Variants in IGF1R observed in about 807,000 individuals in gnomAD.
IGF1R encodes insulin like growth factor 1 receptor.
A neutral mutation model predicts 144.6 loss-of-function variants in IGF1R; 44 were observed. The ratio of observed to expected loss-of-function variants is 0.30; its 90% CI spans 0.24 to 0.39. The LOEUF is 0.39. IGF1R is among the 10% of genes least tolerant of loss of function. The pLI is 1.00. For synonymous variants in IGF1R, 795 were observed against 722.8 expected (o/e 1.10, Z -1.60); for missense variants, 1,355 against 1,833.7 (o/e 0.74, Z 4.77).
Position 98,929,518 on chromosome 15 carries a change from C to T in IGF1R, c.2783-40C>T, listed in dbSNP as rs886394803. On this transcript the variant is annotated intron_variant, in intron 13 of 20. Transcript: ENST00000650285. ...GAAGAAATGAAATGAGCAAATTGTTCACCTGGTGATATTTTATCATTTCCT... is the reference window on the plus strand; with the variant it reads ...GAAGAAATGAAATGAGCAAATTGTTTACCTGGTGATATTTTATCATTTCCT... 4.8e-6 allele frequency: 7 copies of T among 1,468,132 alleles called. No individual in the cohort carries two copies. The Admixed American group carries it at 1.2e-4, about 25-fold the overall frequency. 90.9% of individuals were successfully genotyped at this position (1,468,132 alleles called of 1,614,324 possible).
intron 2 of IGF1R, among the ~76,000 whole-genome samples, chr15:98,715,554 A>ATG (rs1184570827): frequency 6.6e-6 from 1 of 151,976 alleles, no homozygotes; most frequent in Non-Finnish European, 1.5e-5. Flanking sequence ...TGCTTTCCTC[A>ATG]TGTGTATGCC....
intron 10 of IGF1R, among the ~76,000 whole-genome samples, chr15:98,917,656 G>A (rs1016644251): frequency 6.6e-6 from 1 of 152,204 alleles, no homozygotes; most frequent in South Asian, 2.1e-4. Flanking sequence ...GCCATAAAAA[G>A]GGAGGAAATT....
At chr15:98,922,093 G>A (rs2015513625) in intron 10 of IGF1R, 55 bp from the exon 11 acceptor site, 1 of 1,593,978 alleles carries the variant, frequency 6.3e-7, no homozygotes, top group South Asian at 1.1e-5. Flanking sequence ...TCAAGTCATA[G>A]AAAAGACAAA....
At chr15:98,805,952 C>A (rs1256913056) in intron 2 of IGF1R, among the ~76,000 whole-genome samples, 1 of 152,152 alleles carries the variant, frequency 6.6e-6, no homozygotes, top group African/African-American at 2.4e-5. Flanking sequence ...AGGGTTCAGT[C>A]CCACGAGTCT....
intron 1 of IGF1R, among the ~76,000 whole-genome samples, chr15:98,650,484 C>T (rs1016615346): frequency 6.6e-6 from 1 of 152,234 alleles, no homozygotes; most frequent in African/African-American, 2.4e-5. Flanking sequence ...GTTCAGAGGG[C>T]TCTGGGATGG....
rs5814907 is a variant in IGF1R, at chr15:98,868,370, TGG to T, written c.641-22946_641-22945del. ...GCCAAATCTGTTGGGTTTTTTTTTT[TGG>T]GGGGGGGGTCCTTTAGAATGGCCCT... is the stretch of plus-strand genomic sequence containing the variant. On this transcript the variant is annotated intron_variant, in intron 2 of 20. Transcript: ENST00000650285. Among the ~76,000 whole-genome samples, 723 of 122,814 alleles carry T rather than the reference TGG, an allele frequency of 5.9e-3. 17 individuals are homozygous for T. The highest frequency in any genetic ancestry group is 0.019 in the African/African-American group (629 of 33,654). 80.6% of individuals were successfully genotyped at this position (122,814 alleles called of 152,430 possible).
rs569874999 is a variant in IGF1R, at chr15:98,723,346, A to G, written c.640+15239A>G. On this transcript the variant is annotated intron_variant, in intron 2 of 20. Transcript: ENST00000650285. ...CTCCAGTCAAAGAAAAACTCTGCAT[A>G]TGATCTTTGGCCTGGAGAAATATTA... is the stretch of plus-strand genomic sequence containing the variant. Among the ~76,000 whole-genome samples, 3 of 152,316 alleles carry G rather than the reference A, an allele frequency of 2.0e-5. No homozygotes were observed. In the South Asian group the frequency reaches 6.2e-4, roughly 32 times the overall value.
intron 2 of IGF1R, among the ~76,000 whole-genome samples, chr15:98,843,706 A>G (rs913038803): frequency 6.6e-6 from 1 of 152,196 alleles, no homozygotes; most frequent in African/African-American, 2.4e-5. Context: ...TCCACTGAGC[A>G]ATACGGAAGA....
chr15:98,774,239 C>T (rs1423984189), intron 2 of IGF1R, among the ~76,000 whole-genome samples: 4 of 152,156 alleles, frequency 2.6e-5, no homozygotes, highest in East Asian at 1.9e-4. Context: ...TGTTAAGTCA[C>T]GTTGGCTACA....
chr15:98,881,553 C>T (rs929001250), intron 2 of IGF1R, among the ~76,000 whole-genome samples: 6 of 152,200 alleles, frequency 3.9e-5, no homozygotes, highest in Non-Finnish European at 8.8e-5. Flanking sequence ...GAACTCTTGA[C>T]CTCAGGTGAT....
At chr15:98,915,092 G>A (rs2015185794) in intron 8 of IGF1R, among the ~76,000 whole-genome samples, 1 of 152,128 alleles carries the variant, frequency 6.6e-6, no homozygotes, top group Non-Finnish European at 1.5e-5. Context: ...ATCCAGTGAA[G>A]GTGTCTCCTG....
At chr15:98,937,618 C>T (rs2016205055) in intron 17 of IGF1R, among the ~76,000 whole-genome samples, 2 of 152,210 alleles carry the variant, frequency 1.3e-5, no homozygotes, top group Non-Finnish European at 2.9e-5. Flanking sequence ...ACTTACGTAT[C>T]TCACTACGAG....
At chr15:98,733,362 AG>A (rs1382537021) in intron 2 of IGF1R, among the ~76,000 whole-genome samples, 1 of 152,070 alleles carries the variant, frequency 6.6e-6, no homozygotes, top group Non-Finnish European at 1.5e-5. Flanking sequence ...TTGGGACTAT[AG>A]GTGCATACCC....
chr15:98,958,173 C>G lies in IGF1R; in HGVS notation c.*731C>G, dbSNP rs28457673. 371 of 233,240 alleles carry G rather than the reference C, an allele frequency of 1.6e-3. 2 individuals carry two copies. The highest frequency in any genetic ancestry group is 7.8e-3 in the African/African-American group (353 of 45,408). 14.4% of individuals were successfully genotyped at this position (233,240 alleles called of 1,614,324 possible). A position where few individuals can be genotyped will look rare whatever the true frequency, so the allele number is the denominator to read the frequency against. ...CCATCCGACTGCCCCTGCTGTGCTG[C>G]TCAAGGCCACAGGCACACAGGTCTC... On this transcript the variant is annotated 3_prime_UTR_variant, in exon 21 of 21. Coordinates refer to ENST00000650285, the MANE Select transcript of IGF1R (RefSeq NM_000875.5).
At chr15:98,831,493 T>G (rs1230933685) in intron 2 of IGF1R, among the ~76,000 whole-genome samples, 5 of 152,248 alleles carry the variant, frequency 3.3e-5, no homozygotes, top group African/African-American at 1.2e-4. Context: ...ATGACTCTGG[T>G]TCTCTTCTCT....
chr15:98,804,512 C>T lies in IGF1R; in HGVS notation c.641-86813C>T, dbSNP rs181070367. On this transcript the variant is annotated intron_variant, in intron 2 of 20. Coordinates refer to ENST00000650285, the MANE Select transcript of IGF1R (RefSeq NM_000875.5). ...AAGGACAGTGGTTTGCTTGTTGATT[C>T]TGCTTTGAGAGGATGGGGATGCACT... is the stretch of plus-strand genomic sequence containing the variant. 6.6e-5 allele frequency among the ~76,000 whole-genome samples: 10 copies of T among 152,150 alleles called. No homozygotes were observed. In the East Asian group the frequency reaches 1.9e-3, roughly 29 times the overall value.
rs1045530966 is a variant in IGF1R at position 98,963,859 on chromosome 15, C to T, written c.*6417C>T. 4.3e-6 allele frequency: 1 copy of T among 233,008 alleles called. No individual in the cohort carries two copies. Among genetic ancestry groups the T allele is most frequent in the African/African-American group, 2.2e-5 (1 of 45,340 alleles). 14.4% of individuals were successfully genotyped at this position (233,008 alleles called of 1,614,324 possible). ...GGTTTTAAAGTTGACTCCACTTCCT[C>T]TAACTCCAGTGGATTGTTGGCCATG... is the stretch of plus-strand genomic sequence containing the variant. On this transcript the variant is annotated 3_prime_UTR_variant, in exon 21 of 21. Transcript: ENST00000650285.
intron 1 of IGF1R, among the ~76,000 whole-genome samples, chr15:98,651,854 T>C (rs1479694051): frequency 6.6e-6 from 1 of 152,120 alleles, no homozygotes; most frequent in Non-Finnish European, 1.5e-5. Flanking sequence ...CTTGACTGAC[T>C]CAGTACCTGC....
At chr15:98,934,484 C>A (rs1343792439) in intron 15 of IGF1R, among the ~76,000 whole-genome samples, 1 of 151,978 alleles carries the variant, frequency 6.6e-6, no homozygotes, top group Non-Finnish European at 1.5e-5. Flanking sequence ...TTGTTTTTTT[C>A]AAAAATGTGT....
Sources: gnomAD v4.1 joint callset for allele counts (sites outside exome capture counted in the v4.1 genomes callset) on GRCh38, gnomAD v4.1.1 for gene constraint, MANE v1.5 for transcripts, NCBI Gene and HGNC (gene_info 2026-07-23, HGNC 2026-07-21) for gene names.